Variants in LHFPL3 observed in about 807,000 individuals in gnomAD.
The protein encoded by LHFPL3 is LHFPL tetraspan subfamily member 3 protein.
LHFPL3 carries 5 observed loss-of-function variants against 19.3 expected under a neutral mutation model. The observed-to-expected ratio is 0.26, with a 90% CI of 0.14 to 0.54. The LOEUF is 0.54. LHFPL3 is among the 20% of genes least tolerant of loss of function. The pLI is 0.94. For synonymous variants in LHFPL3, 133 were observed against 126.2 expected (o/e 1.05, Z -0.36); for missense variants, 249 against 307.4 (o/e 0.81, Z 1.42).
chr7:104,382,933 T>A (rs1339667787), intron 1 of LHFPL3, among the ~76,000 whole-genome samples: 2 of 26,624 alleles, frequency 7.5e-5, no homozygotes, highest in African/African-American at 5.2e-4. Flanking sequence ...ACTTGTTGCA[T>A]GCCAGTCACT....
chr7:104,329,123 C>T lies in LHFPL3; in HGVS notation c.344C>T (p.Ser115Phe). The T allele has an allele frequency of 1.2e-6, 2 of 1,614,096 alleles. No homozygotes were observed. The highest frequency in any genetic ancestry group is 1.1e-5 in the South Asian group (1 of 91,090). Residue 115 changes from serine to phenylalanine, a missense_variant, in exon 1 of 3, where the codon TCC becomes TTC. Coordinates refer to ENST00000424859, the MANE Select transcript of LHFPL3 (RefSeq NM_199000.3). ...GCCGCCTCCTTCTTTATCGGCCTCT[C>T]CATGATGCTCATCATTGCCTGCATC... is the stretch of plus-strand genomic sequence containing the variant. Reference protein sequence around the residue: ...FKAASFFIGLSMMLIIACIIC... With the variant: ...FKAASFFIGLFMMLIIACIIC...
intron 1 of LHFPL3, among the ~76,000 whole-genome samples, chr7:104,411,162 G>C (rs1460488033): frequency 2.0e-5 from 3 of 152,140 alleles, no homozygotes; most frequent in Non-Finnish European, 2.9e-5. Context: ...CTGCTTGCTG[G>C]CAATCAGATG....
intron 1 of LHFPL3, among the ~76,000 whole-genome samples, chr7:104,727,710 G>A (rs965179832): frequency 2.6e-5 from 4 of 151,778 alleles, no homozygotes; most frequent in African/African-American, 9.7e-5. Flanking sequence ...GAACATTTAG[G>A]GAAAATCATG....
Position 104,587,805 on chromosome 7 carries a change from C to A in LHFPL3, c.446-148870C>A, listed in dbSNP as rs200688669. On this transcript the variant is annotated intron_variant, in intron 1 of 2. Coordinates refer to ENST00000424859, the MANE Select transcript of LHFPL3 (RefSeq NM_199000.3). ...TGTTGTTTCCTGACTTTTTAATGATCGCCATTCTAACTGGTGTGAGATGGT... is the reference window on the plus strand; with the variant it reads ...TGTTGTTTCCTGACTTTTTAATGATAGCCATTCTAACTGGTGTGAGATGGT... Among the ~76,000 whole-genome samples the A allele has an allele frequency of 2.0e-5, 3 of 151,852 alleles. No homozygotes were observed. In the East Asian group the frequency reaches 5.8e-4, roughly 29 times the overall value.
At chr7:104,757,591 T>C (rs1016028243) in intron 2 of LHFPL3, 7 of 151,496 alleles carry the variant, frequency 4.6e-5, no homozygotes, top group African/African-American at 1.2e-4. Context: ...ACAAAAAACA[T>C]AGGAAAAAAA....
chr7:104,901,261 T>G, intron 2 of LHFPL3, among the ~76,000 whole-genome samples: 1 of 152,232 alleles, frequency 6.6e-6, no homozygotes, highest in African/African-American at 2.4e-5. Flanking sequence ...GTAATAACAT[T>G]CTAATTTTAC....
intron 1 of LHFPL3, among the ~76,000 whole-genome samples, chr7:104,428,438 C>T (rs1353547008): frequency 6.6e-6 from 1 of 152,150 alleles, no homozygotes; most frequent in Non-Finnish European, 1.5e-5. Context: ...GAGCCGTTGT[C>T]TTTTCATAGT....
intron 2 of LHFPL3, among the ~76,000 whole-genome samples, chr7:104,880,415 T>C (rs1464855102): frequency 6.6e-6 from 1 of 152,136 alleles, no homozygotes; most frequent in Non-Finnish European, 1.5e-5. Flanking sequence ...ATAAATCTCT[T>C]TCTGCATAAA....
intron 1 of LHFPL3, among the ~76,000 whole-genome samples, chr7:104,587,094 G>GT (rs1451568973): frequency 6.6e-6 from 1 of 151,416 alleles, no homozygotes; most frequent in East Asian, 1.9e-4. Context: ...CATTTAGCCT[G>GT]TTTTTTTATA....
At chr7:104,402,609 G>A (rs1791335982) in intron 1 of LHFPL3, among the ~76,000 whole-genome samples, 1 of 152,132 alleles carries the variant, frequency 6.6e-6, no homozygotes, top group African/African-American at 2.4e-5. Flanking sequence ...CAATAGAGGG[G>A]TTGAAAGCCC....
intron 2 of LHFPL3, chr7:104,759,573 C>G (rs1414289354): frequency 6.6e-6 from 1 of 152,178 alleles, no homozygotes; most frequent in East Asian, 1.9e-4. Context: ...TCACATTTGG[C>G]TCCTGTGTTG....
chr7:104,428,252 C>A (rs73712127), intron 1 of LHFPL3, among the ~76,000 whole-genome samples: 3,161 of 152,226 alleles, frequency 0.021, 130 homozygotes, highest in African/African-American at 0.072. Context: ...TTTTCTTCCA[C>A]TTAGGAAGAG....
chr7:104,814,067 C>A (rs894219474), intron 2 of LHFPL3, among the ~76,000 whole-genome samples: 2 of 152,180 alleles, frequency 1.3e-5, no homozygotes, highest in Admixed American at 6.5e-5. Context: ...TGAAGAGGAG[C>A]TTTACTGAGC....
At chr7:104,525,754 G>A (rs1283290598) in intron 1 of LHFPL3, among the ~76,000 whole-genome samples, 5 of 152,068 alleles carry the variant, frequency 3.3e-5, no homozygotes, top group Non-Finnish European at 5.9e-5. Context: ...TTACAAGCGC[G>A]TACCTCCACG....
chr7:104,661,404 G>T (rs533475349), intron 1 of LHFPL3, among the ~76,000 whole-genome samples: 8 of 152,158 alleles, frequency 5.3e-5, no homozygotes, highest in African/African-American at 1.9e-4. Flanking sequence ...ACCATCGTTT[G>T]AAAGAGGAGA....
At chr7:104,601,368 T>G (rs1195310714) in intron 1 of LHFPL3, among the ~76,000 whole-genome samples, 1 of 152,214 alleles carries the variant, frequency 6.6e-6, no homozygotes, top group Non-Finnish European at 1.5e-5. Flanking sequence ...ACAAAATGTG[T>G]TGAGTACCTC....
intron 1 of LHFPL3, among the ~76,000 whole-genome samples, chr7:104,388,721 T>G (rs947005586): frequency 6.6e-6 from 1 of 152,170 alleles, no homozygotes; most frequent in African/African-American, 2.4e-5. Context: ...GATATAAGTT[T>G]GCTTGACATC....
At chr7:104,818,300 G>C (rs1790604783) in intron 2 of LHFPL3, among the ~76,000 whole-genome samples, 1 of 151,470 alleles carries the variant, frequency 6.6e-6, no homozygotes, top group Admixed American at 6.6e-5. Context: ...GCAGGAAGTT[G>C]TCTCTAAAGT....
At chr7:104,850,552 T>C (rs1791398177) in intron 2 of LHFPL3, among the ~76,000 whole-genome samples, 1 of 152,156 alleles carries the variant, frequency 6.6e-6, no homozygotes, top group Admixed American at 6.5e-5. Flanking sequence ...AACACCCTGA[T>C]GCAGAGGGCT....
Sources: allele counts gnomAD v4.1 joint callset (sites outside exome capture counted in the v4.1 genomes callset), GRCh38; gene constraint gnomAD v4.1.1; transcripts MANE v1.5; gene names NCBI Gene and HGNC (gene_info 2026-07-23, HGNC 2026-07-21).